The following NPEPL1 variants were observed in gnomAD, a reference collection of about 807,000 sequenced individuals.
NPEPL1 encodes aminopeptidase like 1.
A neutral mutation model predicts 52.4 loss-of-function variants in NPEPL1; 45 were observed. The ratio of observed to expected loss-of-function variants is 0.86; its 90% CI spans 0.68 to 1.10. The LOEUF (loss-of-function observed/expected upper bound fraction) is 1.10, where lower values mean the gene tolerates loss of function less well. NPEPL1 is among the 50% of genes least tolerant of loss of function. The probability of loss-of-function intolerance (pLI) is 0.00; values close to 1 mark genes in which losing one functional copy is unlikely to be tolerated. For synonymous variants in NPEPL1, 360 were observed against 314.7 expected (o/e 1.14, Z -1.52); for missense variants, 696 against 710.9 (o/e 0.98, Z 0.24).
At chr20:58,693,315 G>GA (rs910336569) in intron 1 of NPEPL1, 12 of 165,496 alleles carry the variant, frequency 7.3e-5, no homozygotes, top group African/African-American at 2.9e-4. Context: ...GCGGACGGCG[G>GA]GGGGGGAGAC....
Position 58,699,210 on chromosome 20 carries a change from T to C in NPEPL1, c.611T>C (p.Val204Ala). Residue 204 changes from valine to alanine, a missense_variant, in exon 5 of 12, where the codon GTT (valine) becomes GCT (alanine). By Grantham distance (64) the Val-to-Ala change is moderately conservative (BLOSUM62 0). Coordinates refer to ENST00000356091, the MANE Select transcript of NPEPL1 (RefSeq NM_024663.4). ...GAACATGTCCAGGAGATTAACAAAG[T>C]TGGAAAGGAGCTGGGGATCATCCCA... ...TDTFLEEINK[V>A]GKELGIIPTI... 2 of 1,599,488 alleles carry C rather than the reference T, an allele frequency of 1.3e-6. No homozygotes were observed. The highest frequency in any genetic ancestry group is 1.7e-6 in the Non-Finnish European group (2 of 1,173,000).
At chr20:58,707,028 G>A in intron 6 of NPEPL1, 95 bp from the exon 7 acceptor site, 2 of 1,272,982 alleles carry the variant, frequency 1.6e-6, no homozygotes, top group Non-Finnish European at 2.2e-6. Flanking sequence ...GGGAAGGTGG[G>A]GCTAGCGTGG....
Position 58,693,774 on chromosome 20 carries a change from C to T in NPEPL1, c.188C>T (p.Pro63Leu), listed in dbSNP as rs1244127030. Residue 63 changes from proline to leucine, a missense_variant, in exon 2 of 12, where the codon CCC becomes CTC. Pro to Leu is a moderately conservative substitution (Grantham distance 98). Transcript: ENST00000356091. Reference protein sequence around the residue: ...QAALSTLNPNPTDSCPLYLNY... With the variant: ...QAALSTLNPNLTDSCPLYLNY... ...GCCCTGAGCACGCTCAACCCCAACCCCACGGACAGCTGTCCCCTCTACCTG... is the reference window on the plus strand; with the variant it reads ...GCCCTGAGCACGCTCAACCCCAACCTCACGGACAGCTGTCCCCTCTACCTG... 6.2e-7 allele frequency: 1 copy of T among 1,613,280 alleles called. No individual in the cohort carries two copies. Among genetic ancestry groups the T allele is most frequent in the Non-Finnish European group, 8.5e-7 (1 of 1,179,336 alleles).
intron 3 of NPEPL1, among the ~76,000 whole-genome samples, chr20:58,696,504 A>G (rs1010474574): frequency 2.6e-5 from 4 of 152,138 alleles, no homozygotes; most frequent in African/African-American, 9.7e-5. Context: ...GGCCCAGTAA[A>G]CATCTGGTGA....
rs578057362 is a variant in NPEPL1, at chr20:58,713,029, C to T, written c.1002-391C>T. ...AAGAGAAGAGCCCTCTCCCCAGCCCCATGAGCTGGTGCCTGAGTGGGCGCC... is the reference window on the plus strand; with the variant it reads ...AAGAGAAGAGCCCTCTCCCCAGCCCTATGAGCTGGTGCCTGAGTGGGCGCC... On this transcript the variant is annotated intron_variant, in intron 8 of 11. Transcript: ENST00000356091. The surrounding 1 kb of genome is among the most constrained non-coding windows in gnomAD (Gnocchi z 4.6). The T allele has an allele frequency of 5.0e-5, 18 of 359,176 alleles. No homozygotes were observed. The highest frequency in any genetic ancestry group is 3.3e-4 in the African/African-American group (16 of 47,898). The allele number at this position is 359,176 out of a possible 1,614,324, so 22.2% of individuals were successfully genotyped here.
intron 3 of NPEPL1, among the ~76,000 whole-genome samples, chr20:58,697,874 G>A (rs967746197): frequency 6.6e-6 from 1 of 152,252 alleles, no homozygotes; most frequent in Admixed American, 6.5e-5. Context: ...GTGTGCTTTG[G>A]TGCATGTGCC....
At chr20:58,698,327 G>A (rs1195397770) in intron 3 of NPEPL1, among the ~76,000 whole-genome samples, 2 of 152,112 alleles carry the variant, frequency 1.3e-5, no homozygotes, top group African/African-American at 4.8e-5. Context: ...CTCAGGGGCT[G>A]GCATGAGGGC....
chr20:58,693,513 G>T (rs6015339), intron 1 of NPEPL1: 465,472 of 471,826 alleles, frequency 0.99, 229,619 homozygotes, highest in East Asian at 1. Flanking sequence ...GCCCTTCCAG[G>T]CTTGGTGGCT....
Position 58,713,765 on chromosome 20 carries a change from A to G in NPEPL1, c.1126-152A>G, listed in dbSNP as rs1601139537. On this transcript the variant is annotated intron_variant, in intron 9 of 11. Transcript: ENST00000356091. This position sits in a 1 kb window ranked among gnomAD's most constrained non-coding sequence, Gnocchi z 4.6. Reference sequence around the variant, plus strand: ...ACCGCCTCCTGTGTGCTTCATGGCCATGGTCCTTTCTGCCTGTGTTTTTTC... The same window carrying G: ...ACCGCCTCCTGTGTGCTTCATGGCCGTGGTCCTTTCTGCCTGTGTTTTTTC... 9.3e-6 allele frequency: 10 copies of G among 1,074,132 alleles called. No homozygotes were observed. Among genetic ancestry groups the G allele is most frequent in the Admixed American group, 3.3e-5 (1 of 30,726 alleles). 66.5% of individuals were successfully genotyped at this position (1,074,132 alleles called of 1,614,324 possible).
At chr20:58,703,773 A>C in intron 6 of NPEPL1, 1 of 850,818 alleles carries the variant, frequency 1.2e-6, no homozygotes, top group Non-Finnish European at 1.4e-6. Flanking sequence ...CCTTCCCTAG[A>C]GGCCACAGCT....
At position 58,713,366 on chromosome 20, in the gene NPEPL1, T is replaced by C. The variant is rs56241559; in HGVS notation, c.1002-54T>C. 0.11 allele frequency: 161,695 copies of C among 1,526,080 alleles called. 9,014 individuals are homozygous for C. The highest frequency in any genetic ancestry group is 0.15 in the South Asian group (11,969 of 80,134). The allele number at this position is 1,526,080 out of a possible 1,614,324, so 94.5% of individuals were successfully genotyped here. A position where few individuals can be genotyped will look rare whatever the true frequency, so the allele number is the denominator to read the frequency against. ...GTCTCCCCAGTTTCAAAGGGGCTCATGCCAGTGTCCCAGGAAATCCCGTCC... is the reference window on the plus strand; with the variant it reads ...GTCTCCCCAGTTTCAAAGGGGCTCACGCCAGTGTCCCAGGAAATCCCGTCC... On this transcript the variant is annotated intron_variant, in intron 8 of 11. Coordinates refer to ENST00000356091, the MANE Select transcript of NPEPL1 (RefSeq NM_024663.4). This position sits in a 1 kb window ranked among gnomAD's most constrained non-coding sequence, Gnocchi z 4.6.
intron 7 of NPEPL1, among the ~76,000 whole-genome samples, chr20:58,707,925 T>A (rs2084768407): frequency 6.6e-6 from 1 of 152,008 alleles, no homozygotes; most frequent in Non-Finnish European, 1.5e-5. Flanking sequence ...TAAAAAAAAA[T>A]TTAAAAACTA....
Position 58,714,460 on chromosome 20 carries a change from C to T in NPEPL1, c.1303-100C>T, listed in dbSNP as rs559738320. 7.6e-5 allele frequency: 66 copies of T among 866,384 alleles called. 1 individual carries two copies. The highest frequency in any genetic ancestry group is 4.6e-4 in the Admixed American group (17 of 37,068). 53.7% of individuals were successfully genotyped at this position (866,384 alleles called of 1,614,324 possible). A position where few individuals can be genotyped will look rare whatever the true frequency, so the allele number is the denominator to read the frequency against. ...CCCACACGCTCCCTCCCAGCCACCCCGAGCTCCTTGCAGACAGCAATAGTG... is the reference window on the plus strand; with the variant it reads ...CCCACACGCTCCCTCCCAGCCACCCTGAGCTCCTTGCAGACAGCAATAGTG... On this transcript the variant is annotated intron_variant, in intron 10 of 11. Coordinates refer to ENST00000356091, the MANE Select transcript of NPEPL1 (RefSeq NM_024663.4).
chr20:58,692,651 C>G (rs1286411538), upstream of NPEPL1: 1 of 250,462 alleles, frequency 4.0e-6, no homozygotes, highest in African/African-American at 2.3e-5. This position sits in a 1 kb window ranked among gnomAD's most constrained non-coding sequence, Gnocchi z 5.7. Context: ...GCAGGGCCTG[C>G]TCGGGGCCGG....
intron 3 of NPEPL1, among the ~76,000 whole-genome samples, chr20:58,698,296 G>T (rs924526826): frequency 2.0e-5 from 3 of 152,108 alleles, no homozygotes; most frequent in African/African-American, 7.2e-5. Flanking sequence ...CAGAGGTGAG[G>T]CGTGGGAAGC....
upstream of NPEPL1, among the ~76,000 whole-genome samples, chr20:58,690,659 C>T (rs138639286): frequency 5.9e-5 from 9 of 152,314 alleles, no homozygotes; most frequent in East Asian, 1.7e-3. Flanking sequence ...AAGCATCTAA[C>T]GTTTTCTCTT....
At position 58,713,901 on chromosome 20, in the gene NPEPL1, G is replaced by A. The variant is rs1295684697; in HGVS notation, c.1126-16G>A. 2 of 1,451,110 alleles carry A rather than the reference G, an allele frequency of 1.4e-6. No individual in the cohort carries two copies. Among genetic ancestry groups the A allele is most frequent in the Non-Finnish European group, 1.8e-6 (2 of 1,104,998 alleles). 89.9% of individuals were successfully genotyped at this position (1,451,110 alleles called of 1,614,324 possible). Reference sequence around the variant, plus strand: ...GCCGTCCCGTCCACACGCTTCCCGGGTTCCTGCCCGCCCAGGGCATTGCCA... The same window carrying A: ...GCCGTCCCGTCCACACGCTTCCCGGATTCCTGCCCGCCCAGGGCATTGCCA... On this transcript the variant is annotated splice_polypyrimidine_tract_variant and intron_variant, in intron 9 of 11. Coordinates refer to ENST00000356091, the MANE Select transcript of NPEPL1 (RefSeq NM_024663.4). This position sits in a 1 kb window ranked among gnomAD's most constrained non-coding sequence, Gnocchi z 4.6.
chr20:58,713,471 T>C lies in NPEPL1; in HGVS notation c.1053T>C (p.Asp351=), dbSNP rs757895089. The part of the protein sequence containing the change: ...TDAEGRLVLA[D]GVSYACKDLG... ...CCGAGGGCAGGCTGGTGCTGGCAGA[T>C]GGCGTGTCCTATGCTTGCAAGGACC... Residue 351 remains aspartate (D), a synonymous_variant, in exon 9 of 12, where the codon GAT becomes GAC. Coordinates refer to ENST00000356091, the MANE Select transcript of NPEPL1 (RefSeq NM_024663.4). The surrounding 1 kb of genome is among the most constrained non-coding windows in gnomAD (Gnocchi z 4.6). 9.3e-6 allele frequency: 15 copies of C among 1,611,262 alleles called. No homozygotes were observed. The South Asian group carries it at 1.5e-4, about 17-fold the overall frequency.
intron 11 of NPEPL1, 58 bp downstream of exon 11, chr20:58,714,728 G>T (rs576229013): frequency 2.2e-6 from 3 of 1,344,458 alleles, no homozygotes; most frequent in Admixed American, 2.0e-5. Flanking sequence ...TCCAAACAGC[G>T]CCCCTCTGGC....
Sources: gnomAD v4.1 joint callset for allele counts (sites outside exome capture counted in the v4.1 genomes callset) on GRCh38, gnomAD v4.1.1 for gene constraint, Gnocchi (gnomAD v3.1) non-coding constraint, MANE v1.5 for transcripts, NCBI Gene and HGNC (gene_info 2026-07-23, HGNC 2026-07-21) for gene names.